Variants in UPP2 observed in about 807,000 individuals in gnomAD.
UPP2 encodes the protein UPase 2.
Under a neutral mutation model 26.7 loss-of-function variants are expected in UPP2, and 23 were observed. The ratio of observed to expected loss-of-function variants is 0.86; its 90% CI spans 0.62 to 1.22. The LOEUF (loss-of-function observed/expected upper bound fraction) is 1.22, where lower values mean the gene tolerates loss of function less well. UPP2 is among the 50% of genes most tolerant of loss of function. The probability of loss-of-function intolerance (pLI) is 0.00; values close to 1 mark genes in which losing one functional copy is unlikely to be tolerated. For missense variants in UPP2, 387 were observed against 396.7 expected (o/e 0.98, Z 0.21); for synonymous variants, 127 against 141.3 (o/e 0.90, Z 0.72).
At chr2:158,104,319 G>A (rs796754261) in intron 1 of UPP2, among the ~76,000 whole-genome samples, 7 of 152,232 alleles carry the variant, frequency 4.6e-5, no homozygotes, top group African/African-American at 1.4e-4. Context: ...GGACCATAAA[G>A]GAAAATTGGA....
intron 6 of UPP2, among the ~76,000 whole-genome samples, chr2:158,124,126 T>A (rs1054210004): frequency 3.9e-5 from 6 of 152,228 alleles, no homozygotes; most frequent in Admixed American, 2.0e-4. Flanking sequence ...ATTGGTGACA[T>A]GTTCAGGGCT....
chr2:158,062,292 A>C (rs1481621204), intron 3 of UPP2, among the ~76,000 whole-genome samples: 1 of 152,216 alleles, frequency 6.6e-6, no homozygotes, highest in East Asian at 1.9e-4. Flanking sequence ...TTTAAATTAC[A>C]TTTAAGCTTG....
At position 158,113,721 on chromosome 2, in the gene UPP2, G is replaced by A. The variant is rs938780782; in HGVS notation, c.181-1380G>A. 3.9e-5 allele frequency among the ~76,000 whole-genome samples: 6 copies of A among 152,116 alleles called. No homozygotes were observed. The South Asian group carries it at 6.2e-4, about 16-fold the overall frequency. On this transcript the variant is annotated intron_variant, in intron 2 of 6. Transcript: ENST00000005756. The stretch of plus-strand genomic sequence containing the variant: ...TTCTATAACCTCAGTTAGGTATTTC[G>A]TTAGACAGATATTCTTTATCCCTGT...
At chr2:158,055,990 C>T (rs755928774) in intron 3 of UPP2, among the ~76,000 whole-genome samples, 26 of 152,040 alleles carry the variant, frequency 1.7e-4, no homozygotes, top group Non-Finnish European at 2.6e-4. Context: ...AAAAGATTCA[C>T]GTGTGAGGAA....
intron 3 of UPP2, among the ~76,000 whole-genome samples, chr2:158,063,399 G>C (rs1411729568): frequency 6.6e-6 from 1 of 152,150 alleles, no homozygotes; most frequent in Admixed American, 6.5e-5. Flanking sequence ...ATAAGTAAAA[G>C]AATCAGGATT....
chr2:158,095,085 G>A (rs1380023467), intron 3 of UPP2, among the ~76,000 whole-genome samples: 1 of 152,208 alleles, frequency 6.6e-6, no homozygotes, highest in East Asian at 1.9e-4. Context: ...TTCAGGGACA[G>A]CTCAGGGGCA....
intron 3 of UPP2, among the ~76,000 whole-genome samples, chr2:158,049,656 C>G (rs1293423425): frequency 1.3e-5 from 2 of 152,164 alleles, no homozygotes; most frequent in African/African-American, 2.4e-5. Flanking sequence ...CTAATACACT[C>G]TGCGGGGAGG....
intron 3 of UPP2, among the ~76,000 whole-genome samples, chr2:158,039,523 CA>C: frequency 6.6e-6 from 1 of 152,328 alleles, no homozygotes; most frequent in East Asian, 1.9e-4. Flanking sequence ...TAGTAATTGT[CA>C]AAGGCCAGAG....
In UPP2 at chr2:158,101,947, G is replaced by A. The variant is rs554969561; in HGVS notation, c.-117G>A. The A allele has an allele frequency of 3.3e-5, 47 of 1,435,308 alleles. No individual in the cohort carries two copies. In the African/African-American group the frequency reaches 5.6e-4, roughly 17 times the overall value. 88.9% of individuals were successfully genotyped at this position (1,435,308 alleles called of 1,614,324 possible). A position where few individuals can be genotyped will look rare whatever the true frequency, so the allele number is the denominator to read the frequency against. ...ACAGGAAAACCTAAGTTTTAAGAGA[G>A]GTTATCATTCTGACTGGGAACTGAA... On this transcript the variant is annotated 5_prime_UTR_variant, in exon 1 of 7. Transcript: ENST00000005756.
chr2:158,092,061 G>GA (rs1223384511), intron 3 of UPP2, among the ~76,000 whole-genome samples: 2 of 152,126 alleles, frequency 1.3e-5, no homozygotes, highest in African/African-American at 4.8e-5. Flanking sequence ...AAAGATCTGA[G>GA]AAAATTTCTC....
At chr2:157,999,131 AT>A (rs1683366609) in intron 2 of UPP2, among the ~76,000 whole-genome samples, 2 of 151,936 alleles carry the variant, frequency 1.3e-5, no homozygotes, top group Non-Finnish European at 2.9e-5. Context: ...CACATATTGT[AT>A]TTTTCAACTC....
chr2:158,115,049 G>A (rs1683395314), intron 2 of UPP2, 52 bp from the exon 3 acceptor site: 14 of 1,504,172 alleles, frequency 9.3e-6, no homozygotes, highest in Middle Eastern at 1.9e-4. Context: ...AAACTGACCC[G>A]TGGTTCTTAT....
intron 2 of UPP2, among the ~76,000 whole-genome samples, chr2:158,002,113 G>A (rs1315686281): frequency 2.0e-5 from 3 of 152,060 alleles, no homozygotes; most frequent in Non-Finnish European, 1.5e-5. Flanking sequence ...TTTTCAAAGT[G>A]CTTACAGGGG....
intron 3 of UPP2, among the ~76,000 whole-genome samples, chr2:158,116,648 CATA>C (rs1301353119): frequency 2.0e-5 from 3 of 152,158 alleles, no homozygotes; most frequent in Middle Eastern, 3.2e-3. Context: ...CAATGCGTAA[CATA>C]ATAAGTGGCA....
chr2:158,123,353 T>TC (rs994832970), intron 5 of UPP2, among the ~76,000 whole-genome samples: 5 of 102,556 alleles, frequency 4.9e-5, no homozygotes, highest in Non-Finnish European at 1.1e-4. Flanking sequence ...CATCGAAACC[T>TC]CTTTTTTTTT....
At chr2:158,077,691 G>A (rs1682653068) in intron 3 of UPP2, among the ~76,000 whole-genome samples, 1 of 152,018 alleles carries the variant, frequency 6.6e-6, no homozygotes, top group South Asian at 2.1e-4. Context: ...ACTGCTACAA[G>A]AAAACATTGG....
intron 2 of UPP2, among the ~76,000 whole-genome samples, chr2:157,996,578 G>A (rs2105459478): frequency 6.6e-6 from 1 of 152,238 alleles, no homozygotes; most frequent in African/African-American, 2.4e-5. Flanking sequence ...TTATGCTTTA[G>A]TTGTATTCTG....
chr2:158,043,233 A>G (rs939056832), intron 3 of UPP2, among the ~76,000 whole-genome samples: 27 of 152,330 alleles, frequency 1.8e-4, no homozygotes, highest in Admixed American at 8.5e-4. Flanking sequence ...AACACTGTAC[A>G]AAAAGCCCAG....
chr2:158,026,302 T>C (rs909628945), intron 3 of UPP2, among the ~76,000 whole-genome samples: 4 of 152,124 alleles, frequency 2.6e-5, no homozygotes, highest in Non-Finnish European at 4.4e-5. Context: ...TCTAGAAATA[T>C]GCCTTCAGCT....
Sources: gnomAD v4.1 joint callset for allele counts (sites outside exome capture counted in the v4.1 genomes callset) on GRCh38, gnomAD v4.1.1 for gene constraint, MANE v1.5 for transcripts, NCBI Gene and HGNC (gene_info 2026-07-23, HGNC 2026-07-21) for gene names.